The following CTNNA2 variants were observed in gnomAD, a reference collection of about 807,000 sequenced individuals.
CTNNA2 encodes catenin alpha 2.
In CTNNA2, 42 loss-of-function variants were observed where a neutral mutation model predicts 101.0. The observed-to-expected ratio is 0.42, with a 90% CI of 0.32 to 0.54. The LOEUF (loss-of-function observed/expected upper bound fraction) is 0.54. Among genes scored for constraint, CTNNA2 ranks in the 20% least tolerant of loss-of-function variants. The pLI, the probability that CTNNA2 is intolerant of heterozygous loss-of-function variation, is 0.14. For synonymous variants in CTNNA2, 450 were observed against 456.4 expected (o/e 0.99, Z 0.18); for missense variants, 871 against 1,223.1 (o/e 0.71, Z 4.29).
chr2:80,447,211 T>C (rs762804185), intron 9 of CTNNA2, among the ~76,000 whole-genome samples: 5 of 152,192 alleles, frequency 3.3e-5, no homozygotes, highest in Non-Finnish European at 5.9e-5. Flanking sequence ...AGCTAGAGAT[T>C]CTCTGATGTA....
intron 9 of CTNNA2, among the ~76,000 whole-genome samples, chr2:80,521,672 T>A (rs1488224398): frequency 1.3e-5 from 2 of 152,090 alleles, no homozygotes; most frequent in Non-Finnish European, 2.9e-5. Flanking sequence ...GGGGGCAGCC[T>A]CTAGGAGTGG....
intron 6 of CTNNA2, among the ~76,000 whole-genome samples, chr2:79,885,873 C>A (rs1163550579): frequency 1.3e-5 from 2 of 152,166 alleles, no homozygotes; most frequent in African/African-American, 2.4e-5. Flanking sequence ...GGCTACTACT[C>A]CAAGCTCTAC....
At chr2:79,439,809 C>T (rs1350767712) in intron 4 of CTNNA2, among the ~76,000 whole-genome samples, 1 of 151,992 alleles carries the variant, frequency 6.6e-6, no homozygotes, top group African/African-American at 2.4e-5. Context: ...CTACTAAATC[C>T]AAAATTCTGA....
intron 7 of CTNNA2, among the ~76,000 whole-genome samples, chr2:80,194,310 G>A (rs114421323): frequency 6.6e-6 from 1 of 152,316 alleles, no homozygotes; most frequent in African/African-American, 2.4e-5. Flanking sequence ...AAGCCGTCAT[G>A]CCAAGAGAGC....
Position 79,986,867 on chromosome 2 carries a change from C to T in CTNNA2, c.1056+77070C>T, listed in dbSNP as rs146728121. Among the ~76,000 whole-genome samples, 878 of 152,276 alleles carry T rather than the reference C, an allele frequency of 5.8e-3. 4 individuals carry two copies. Among genetic ancestry groups the T allele is most frequent in the Non-Finnish European group, 8.4e-3 (569 of 68,020 alleles). ...AAGCTACTTCCAGGGCCTCTGTTTA[C>T]ATGTTGTCTTTAAGAAGTAATTTAA... is the stretch of plus-strand genomic sequence containing the variant. On this transcript the variant is annotated intron_variant, in intron 7 of 18. Coordinates refer to ENST00000402739, the MANE Select transcript of CTNNA2 (RefSeq NM_001282597.3).
chr2:79,451,230 T>C lies in CTNNA2; in HGVS notation c.-134-53824T>C, dbSNP rs141256780. ...TGACTTGAATGATAATTTTTTCAAGTGATTGCCAAATGTGTTCAAGTGTGA... is the reference window on the plus strand; with the variant it reads ...TGACTTGAATGATAATTTTTTCAAGCGATTGCCAAATGTGTTCAAGTGTGA... On this transcript the variant is annotated intron_variant, in intron 4 of 21. Coordinates refer to the CTNNA2 transcript ENST00000466387. Among the ~76,000 whole-genome samples, 215 of 152,264 alleles carry C rather than the reference T, an allele frequency of 1.4e-3. 2 individuals are homozygous for C. Among genetic ancestry groups the C allele is most frequent in the African/African-American group, 5.0e-3 (209 of 41,570 alleles).
At chr2:80,374,087 T>A (rs1675700563) in intron 7 of CTNNA2, among the ~76,000 whole-genome samples, 1 of 152,188 alleles carries the variant, frequency 6.6e-6, no homozygotes, top group African/African-American at 2.4e-5. Context: ...CAACTCTTAT[T>A]TTTGATTCAG....
chr2:79,576,918 T>C (rs983992746), intron 1 of CTNNA2, among the ~76,000 whole-genome samples: 1 of 152,186 alleles, frequency 6.6e-6, no homozygotes, highest in Non-Finnish European at 1.5e-5. Flanking sequence ...ACATCCAGTT[T>C]AACATAAACA....
chr2:79,815,617 A>G (rs112706241), intron 3 of CTNNA2, among the ~76,000 whole-genome samples: 15,843 of 152,150 alleles, frequency 0.1, 1,172 homozygotes, highest in African/African-American at 0.2. Context: ...CCATTGGTCT[A>G]TGTGCCTATT....
At chr2:80,279,591 G>C (rs957347175) in intron 7 of CTNNA2, among the ~76,000 whole-genome samples, 3 of 151,886 alleles carry the variant, frequency 2.0e-5, no homozygotes, top group Non-Finnish European at 4.4e-5. Flanking sequence ...TGGCTCTTCA[G>C]CTCTCAGCTT....
chr2:79,660,142 A>G (rs1161232314), intron 2 of CTNNA2, among the ~76,000 whole-genome samples: 4 of 151,714 alleles, frequency 2.6e-5, no homozygotes, highest in Non-Finnish European at 5.9e-5. Flanking sequence ...CATGTGCAAT[A>G]TACACACACA....
chr2:79,506,898 T>C (rs1181526863), intron 5 of CTNNA2, among the ~76,000 whole-genome samples: 2 of 152,278 alleles, frequency 1.3e-5, no homozygotes, highest in East Asian at 3.9e-4. Flanking sequence ...TGCCCTAATA[T>C]ACGAGTCACT....
At chr2:79,860,262 C>A (rs1681485998) in intron 4 of CTNNA2, among the ~76,000 whole-genome samples, 1 of 152,186 alleles carries the variant, frequency 6.6e-6, no homozygotes, top group Non-Finnish European at 1.5e-5. Flanking sequence ...ACAAAATTAA[C>A]CTTACATCTC....
intron 1 of CTNNA2, among the ~76,000 whole-genome samples, chr2:79,523,996 TTAA>T (rs1672261172): frequency 1.3e-5 from 2 of 152,098 alleles, no homozygotes; most frequent in Non-Finnish European, 2.9e-5. Flanking sequence ...TATTCCTGAA[TTAA>T]TGATATACTA....
intron 7 of CTNNA2, among the ~76,000 whole-genome samples, chr2:79,985,798 G>A (rs920604803): frequency 6.6e-6 from 1 of 152,130 alleles, no homozygotes; most frequent in Non-Finnish European, 1.5e-5. Context: ...AACCTCCTGG[G>A]TGTCTTGTAG....
chr2:79,719,525 G>A (rs1236101827), intron 2 of CTNNA2, among the ~76,000 whole-genome samples: 1 of 152,132 alleles, frequency 6.6e-6, no homozygotes, highest in Non-Finnish European at 1.5e-5. Context: ...CAGTGCATAA[G>A]CATTCTCTTT....
At chr2:79,507,111 T>G (rs1314296702) in intron 5 of CTNNA2, among the ~76,000 whole-genome samples, 2 of 152,180 alleles carry the variant, frequency 1.3e-5, no homozygotes, top group African/African-American at 2.4e-5. Flanking sequence ...TTGACTAGTT[T>G]CGTGATTATG....
chr2:80,208,415 ACT>A (rs1707666667), intron 7 of CTNNA2, among the ~76,000 whole-genome samples: 1 of 152,178 alleles, frequency 6.6e-6, no homozygotes, highest in Non-Finnish European at 1.5e-5. Flanking sequence ...AGCTTCAGCT[ACT>A]CTCTTACTAT....
chr2:80,323,499 T>A (rs547428063), intron 7 of CTNNA2, among the ~76,000 whole-genome samples: 2 of 152,144 alleles, frequency 1.3e-5, no homozygotes, highest in African/African-American at 4.8e-5. Context: ...ATCTGTTGTG[T>A]GTCAGGCACT....
Sources: allele counts gnomAD v4.1 joint callset (sites outside exome capture counted in the v4.1 genomes callset), GRCh38; gene constraint gnomAD v4.1.1; transcripts MANE v1.5; gene names NCBI Gene and HGNC (gene_info 2026-07-23, HGNC 2026-07-21).